Variants in DEPDC7 observed in about 807,000 individuals in gnomAD.
The protein encoded by DEPDC7 is DEP domain-containing protein 7.
A neutral mutation model predicts 56.6 loss-of-function variants in DEPDC7; 41 were observed. The observed-to-expected ratio is 0.72, with a 90% CI of 0.56 to 0.94. DEPDC7 has a LOEUF of 0.94. Ranked by LOEUF, DEPDC7 falls within the 40% of genes least tolerant of loss-of-function variation. DEPDC7 has a pLI of 0.00. For synonymous variants in DEPDC7, 185 were observed against 208.8 expected (o/e 0.89, Z 0.98); for missense variants, 522 against 596.3 (o/e 0.88, Z 1.30).
chr11:33,025,757 C>T lies in DEPDC7; in HGVS notation c.172C>T (p.Arg58Cys), dbSNP rs374733737. The part of the protein sequence containing the change: ...TQVEVKKRRH[R>C]LKRHNDCFVG... ...AGTGGAAGTGAAAAAACGAAGGCACCGTTTAAAACGACATAATGACTGCTT... is the reference window on the plus strand; with the variant it reads ...AGTGGAAGTGAAAAAACGAAGGCACTGTTTAAAACGACATAATGACTGCTT... The change falls in exon 2 of 9, where the codon CGT becomes TGT. Residue 58 changes from arginine to cysteine, a missense_variant. Transcript: ENST00000241051. 9.7e-5 allele frequency: 156 copies of T among 1,614,094 alleles called. No homozygotes were observed. In the African/African-American group the frequency reaches 1.5e-3, roughly 15 times the overall value.
intron 7 of DEPDC7, 34 bp downstream of exon 7, chr11:33,032,827 G>A (rs765449064): frequency 6.3e-7 from 1 of 1,587,280 alleles, no homozygotes; most frequent in South Asian, 1.2e-5. Flanking sequence ...TTGAGCTTAT[G>A]TAATAGATCA....
Position 33,020,563 on chromosome 11 carries a change from G to A in DEPDC7, c.73+4535G>A, listed in dbSNP as rs181106911. ...AATTTGTCCATATGCTTCCTTTCTT[G>A]CCTATAGATCTGCCATATTTGGTGT... On this transcript the variant is annotated intron_variant, in intron 1 of 8. Transcript: ENST00000241051. 9.2e-5 allele frequency among the ~76,000 whole-genome samples: 14 copies of A among 152,260 alleles called. 1 individual carries two copies. Among genetic ancestry groups the A allele is most frequent in the Middle Eastern group, 3.4e-3 (1 of 294 alleles).
chr11:33,023,874 T>C (rs1853548040), intron 1 of DEPDC7, among the ~76,000 whole-genome samples: 1 of 152,230 alleles, frequency 6.6e-6, no homozygotes, highest in Non-Finnish European at 1.5e-5. Flanking sequence ...TTCCCTTTTT[T>C]CCTTACCATT....
chr11:33,019,800 A>G (rs1474194546), intron 1 of DEPDC7, among the ~76,000 whole-genome samples: 1 of 152,194 alleles, frequency 6.6e-6, no homozygotes, highest in African/African-American at 2.4e-5. Context: ...ACCGCTAGGA[A>G]ATCTGAAAGA....
At position 33,033,282 on chromosome 11, in the gene DEPDC7, A is replaced by ACC; in HGVS notation, c.1363_1364insCC (p.Ile455ThrfsTer20). 6.3e-7 allele frequency: 1 copy of ACC among 1,595,594 alleles called. No homozygotes were observed. Among genetic ancestry groups the ACC allele is most frequent in the Non-Finnish European group, 8.5e-7 (1 of 1,174,646 alleles). ...TTAAGGATATATTTATTGCCAGAGAATTGATCAACGTGACTATTCCAACAA... is the reference window on the plus strand; with the variant it reads ...TTAAGGATATATTTATTGCCAGAGAACCTTGATCAACGTGACTATTCCAACAA... On this transcript the variant is annotated frameshift_variant, in exon 9 of 9. Transcript: ENST00000241051. LOFTEE classifies it high-confidence loss of function.
At chr11:33,020,019 A>G (rs1263450809) in intron 1 of DEPDC7, among the ~76,000 whole-genome samples, 1 of 151,886 alleles carries the variant, frequency 6.6e-6, no homozygotes, top group East Asian at 1.9e-4. Context: ...TAATGTGTAT[A>G]TTGATCTACT....
chr11:33,016,030 T>C lies in DEPDC7; in HGVS notation c.73+2T>C. Reference sequence around the variant, plus strand: ...ACAGCCCCGCGCACAGGCCTCCGGGTAGGTGCCGAGGACTGCCGCCTGGGA... The same window carrying C: ...ACAGCCCCGCGCACAGGCCTCCGGGCAGGTGCCGAGGACTGCCGCCTGGGA... On this transcript the variant is annotated splice_donor_variant, in intron 1 of 8. Coordinates refer to ENST00000241051, the MANE Select transcript of DEPDC7 (RefSeq NM_001077242.2). LOFTEE classifies it high-confidence loss of function. 1.3e-6 allele frequency: 2 copies of C among 1,528,122 alleles called. No individual in the cohort carries two copies. The highest frequency in any genetic ancestry group is 8.8e-7 in the Non-Finnish European group (1 of 1,137,178). The allele number at this position is 1,528,122 out of a possible 1,614,324, so 94.7% of individuals were successfully genotyped here.
intron 1 of DEPDC7, among the ~76,000 whole-genome samples, chr11:33,022,736 T>A (rs1032201289): frequency 6.6e-6 from 1 of 152,164 alleles, no homozygotes; most frequent in East Asian, 1.9e-4. Flanking sequence ...TGACCTGGAC[T>A]TACTCTGAGA....
Position 33,030,296 on chromosome 11 carries a change from C to T in DEPDC7, c.783-1082C>T, listed in dbSNP as rs532706714. Among the ~76,000 whole-genome samples the T allele has an allele frequency of 4.3e-4, 65 of 152,110 alleles. No homozygotes were observed. In the South Asian group the frequency reaches 0.012, roughly 27 times the overall value. ...TTTTTATATACAAAATCAGAATTTG[C>T]GCTAGAAGTGACCTTAAAGATCATC... On this transcript the variant is annotated intron_variant, in intron 4 of 8. Transcript: ENST00000241051.
intron 5 of DEPDC7, among the ~76,000 whole-genome samples, chr11:33,031,928 G>T (rs1301178958): frequency 6.6e-6 from 1 of 152,074 alleles, no homozygotes; most frequent in Admixed American, 6.6e-5. Flanking sequence ...TCTCTGCTTT[G>T]TCTCTCTACC....
intron 6 of DEPDC7, 44 bp from the exon 7 acceptor site, chr11:33,032,624 C>T (rs1354699589): frequency 1.3e-5 from 18 of 1,403,858 alleles, no homozygotes; most frequent in Non-Finnish European, 1.7e-5. Context: ...TTAAACTTGT[C>T]TCTTAAATAT....
chr11:33,026,288 G>A, intron 2 of DEPDC7: 1 of 524,362 alleles, frequency 1.9e-6, no homozygotes, highest in Non-Finnish European at 3.4e-6. Context: ...TCAGGTTATA[G>A]TTGCAGTGTA....
At chr11:33,022,472 A>T (rs1178193359) in intron 1 of DEPDC7, among the ~76,000 whole-genome samples, 1 of 152,216 alleles carries the variant, frequency 6.6e-6, no homozygotes, top group African/African-American at 2.4e-5. Context: ...TTTCCTCAAA[A>T]TAGGATTATT....
chr11:33,021,580 G>T (rs1376977414), intron 1 of DEPDC7, among the ~76,000 whole-genome samples: 1 of 152,168 alleles, frequency 6.6e-6, no homozygotes, highest in Non-Finnish European at 1.5e-5. Flanking sequence ...AGGTTATCCT[G>T]GTATGGGTTT....
intron 1 of DEPDC7, 48 bp from the exon 2 acceptor site, chr11:33,025,611 T>A: frequency 6.5e-7 from 1 of 1,538,962 alleles, no homozygotes. Context: ...TTATTACAAA[T>A]GAACAAGGTA....
intron 1 of DEPDC7, among the ~76,000 whole-genome samples, chr11:33,024,162 C>T (rs989717581): frequency 6.6e-6 from 1 of 152,170 alleles, no homozygotes; most frequent in African/African-American, 2.4e-5. Flanking sequence ...GACCTGATTT[C>T]TTTCCTATTG....
chr11:33,016,873 T>G (rs568597920), intron 1 of DEPDC7, among the ~76,000 whole-genome samples: 2 of 152,228 alleles, frequency 1.3e-5, no homozygotes, highest in Non-Finnish European at 2.9e-5. Context: ...TTTTTTCTTT[T>G]GGTTAAGTTA....
rs373602909 is a variant in DEPDC7, at chr11:33,023,708, T to A, written c.74-1951T>A. Among the ~76,000 whole-genome samples, 67 of 152,320 alleles carry A rather than the reference T, an allele frequency of 4.4e-4. 1 individual carries two copies. Among genetic ancestry groups the A allele is most frequent in the African/African-American group, 1.6e-3 (65 of 41,580 alleles). ...CTACCACGCCCGGCCAATTTTTGTA[T>A]TTTTAGTAGAGAGGGTTTCACCACC... On this transcript the variant is annotated intron_variant, in intron 1 of 8. Transcript: ENST00000241051.
Position 33,032,329 on chromosome 11 carries a change from G to A in DEPDC7, c.995-7G>A. Reference sequence around the variant, plus strand: ...AATTAAAAGCAGTTTTTTTCTTTTGGCTAAAGTGAATGGGAAGACGGAAAT... The same window carrying A: ...AATTAAAAGCAGTTTTTTTCTTTTGACTAAAGTGAATGGGAAGACGGAAAT... On this transcript the variant is annotated splice_region_variant and splice_polypyrimidine_tract_variant and intron_variant, in intron 5 of 8. Transcript: ENST00000241051. The A allele has an allele frequency of 1.9e-6, 3 of 1,551,056 alleles. No homozygotes were observed. The highest frequency in any genetic ancestry group is 2.6e-6 in the Non-Finnish European group (3 of 1,160,584).
Sources: gnomAD v4.1 joint callset for allele counts (sites outside exome capture counted in the v4.1 genomes callset) on GRCh38, gnomAD v4.1.1 for gene constraint, MANE v1.5 for transcripts, NCBI Gene and HGNC (gene_info 2026-07-23, HGNC 2026-07-21) for gene names.